Variants in GRM3 observed in about 807,000 individuals in gnomAD.
GRM3 encodes the protein metabotropic glutamate receptor 3.
Under a neutral mutation model 70.5 loss-of-function variants are expected in GRM3, and 26 were observed. The ratio of observed to expected loss-of-function variants is 0.37; its 90% CI spans 0.27 to 0.51. The LOEUF is 0.51. Ranked by LOEUF, GRM3 falls within the 20% of genes least tolerant of loss-of-function variation. The probability of loss-of-function intolerance (pLI) is 0.93; values close to 1 mark genes in which losing one functional copy is unlikely to be tolerated. For synonymous variants in GRM3, 443 were observed against 434.9 expected (o/e 1.02, Z -0.23); for missense variants, 859 against 1,123.8 (o/e 0.76, Z 3.37).
chr7:86,765,932 A>G (rs1187045846), intron 2 of GRM3, among the ~76,000 whole-genome samples: 1 of 152,130 alleles, frequency 6.6e-6, no homozygotes, highest in Non-Finnish European at 1.5e-5. Flanking sequence ...GCTGGGTTTC[A>G]CTGGGGGCAG....
chr7:86,702,521 T>A (rs1794966841), intron 1 of GRM3, among the ~76,000 whole-genome samples: 1 of 152,056 alleles, frequency 6.6e-6, no homozygotes, highest in Admixed American at 6.6e-5. Context: ...ATATGGCTTA[T>A]ATTCCAATGA....
At chr7:86,855,787 AG>A (rs993310554) in intron 5 of GRM3, among the ~76,000 whole-genome samples, 30 of 152,316 alleles carry the variant, frequency 2.0e-4, no homozygotes, top group Middle Eastern at 6.8e-3. Context: ...CCTAGTTAGC[AG>A]GGGGCAAGCC....
intron 3 of GRM3, among the ~76,000 whole-genome samples, chr7:86,789,787 G>A (rs958887516): frequency 4.6e-5 from 7 of 152,192 alleles, no homozygotes; most frequent in African/African-American, 9.7e-5. Context: ...TAGGCCTCCT[G>A]TGAATTTAAA....
intron 3 of GRM3, among the ~76,000 whole-genome samples, chr7:86,792,283 G>A (rs1797437655): frequency 6.6e-6 from 1 of 152,148 alleles, no homozygotes; most frequent in Admixed American, 6.5e-5. Context: ...AATTCAGGAT[G>A]TCAGCATTAT....
At chr7:86,653,938 G>A (rs1793669065) in intron 1 of GRM3, among the ~76,000 whole-genome samples, 2 of 152,124 alleles carry the variant, frequency 1.3e-5, no homozygotes, top group South Asian at 4.1e-4. Context: ...ATGCCCTTAT[G>A]AGCTAGGGGA....
rs1037473268 is a variant in GRM3, at chr7:86,851,324, T to C, written c.2566+780T>C. On this transcript the variant is annotated intron_variant, in intron 5 of 5. Coordinates refer to ENST00000361669, the MANE Select transcript of GRM3 (RefSeq NM_000840.3). ...TCCCTAATTCTCTCTGCTACTGGCCTGCAAATGTCTGAAACACTATCCTTA... is the reference window on the plus strand; with the variant it reads ...TCCCTAATTCTCTCTGCTACTGGCCCGCAAATGTCTGAAACACTATCCTTA... Among the ~76,000 whole-genome samples, 8 of 152,280 alleles carry C rather than the reference T, an allele frequency of 5.3e-5. No homozygotes were observed. In the East Asian group the frequency reaches 1.2e-3, roughly 22 times the overall value.
intron 1 of GRM3, among the ~76,000 whole-genome samples, chr7:86,733,306 G>A (rs371901487): frequency 3.0e-5 from 4 of 133,680 alleles, no homozygotes; most frequent in Non-Finnish European, 4.7e-5. Context: ...AGAGCGACAC[G>A]CCGTCTCAAA....
At chr7:86,703,813 A>G (rs1794997814) in intron 1 of GRM3, among the ~76,000 whole-genome samples, 1 of 151,952 alleles carries the variant, frequency 6.6e-6, no homozygotes, top group African/African-American at 2.4e-5. Flanking sequence ...AAGCAAATGA[A>G]ACAGTAAAAT....
At chr7:86,772,652 T>C (rs12704288) in intron 2 of GRM3, among the ~76,000 whole-genome samples, 38,723 of 151,916 alleles carry the variant, frequency 0.25, 5,012 homozygotes, top group Middle Eastern at 0.31. Context: ...GGGAAGAATA[T>C]GCAGGGAATA....
At chr7:86,811,898 CT>C (rs1457240903) in intron 3 of GRM3, among the ~76,000 whole-genome samples, 1 of 151,286 alleles carries the variant, frequency 6.6e-6, no homozygotes, top group African/African-American at 2.4e-5. Context: ...TGTGATATTT[CT>C]ATCCATGTAA....
chr7:86,826,709 TA>T (rs1197551793), intron 3 of GRM3, among the ~76,000 whole-genome samples: 2 of 152,190 alleles, frequency 1.3e-5, no homozygotes, highest in African/African-American at 4.8e-5. Flanking sequence ...GAAATACAAA[TA>T]TTTATTACCC....
chr7:86,783,300 C>T (rs1287543876), intron 2 of GRM3, among the ~76,000 whole-genome samples: 6 of 152,186 alleles, frequency 3.9e-5, no homozygotes, highest in Non-Finnish European at 8.8e-5. Flanking sequence ...TTTATAGTCA[C>T]ACAGTAGAAG....
intron 1 of GRM3, among the ~76,000 whole-genome samples, chr7:86,678,309 T>C (rs956617914): frequency 3.3e-5 from 5 of 152,068 alleles, no homozygotes; most frequent in African/African-American, 1.2e-4. Flanking sequence ...AATGTCAGAA[T>C]TGCAGAAGAA....
chr7:86,721,017 G>T (rs1795448812), intron 1 of GRM3, among the ~76,000 whole-genome samples: 1 of 152,018 alleles, frequency 6.6e-6, no homozygotes, highest in South Asian at 2.1e-4. Flanking sequence ...GATTTAGGTA[G>T]CTTGATCAAG....
intron 1 of GRM3, among the ~76,000 whole-genome samples, chr7:86,653,650 A>G (rs1334371372): frequency 1.3e-5 from 2 of 151,930 alleles, no homozygotes; most frequent in Admixed American, 6.6e-5. Flanking sequence ...TTATTCGGAG[A>G]CTTCCTCATT....
Position 86,643,930 on chromosome 7 carries a change from AGTACGGCTGAGCTGC to A in GRM3, c.-1078_-1064del, listed in dbSNP as rs1194182728. On this transcript the variant is annotated 5_prime_UTR_variant, in exon 1 of 6. Transcript: ENST00000361669. ...GCTCGCAGTGTGCAGTTGAGTCGCG[AGTACGGCTGAGCTGC>A]GTACCGGCCTCCCTGGCTCTCACAC... is the stretch of plus-strand genomic sequence containing the variant. 1 of 152,436 alleles carries A rather than the reference AGTACGGCTGAGCTGC, an allele frequency of 6.6e-6. No individual in the cohort carries two copies. The highest frequency in any genetic ancestry group is 1.5e-5 in the Non-Finnish European group (1 of 68,266). 9.4% of individuals were successfully genotyped at this position (152,436 alleles called of 1,614,324 possible). A position where few individuals can be genotyped will look rare whatever the true frequency, so the allele number is the denominator to read the frequency against.
At chr7:86,841,824 C>T (rs1798563973) in intron 4 of GRM3, among the ~76,000 whole-genome samples, 1 of 152,088 alleles carries the variant, frequency 6.6e-6, no homozygotes, top group East Asian at 1.9e-4. Context: ...AGTAGAACAA[C>T]TGACTGAATG....
At chr7:86,810,601 A>G (rs183254907) in intron 3 of GRM3, among the ~76,000 whole-genome samples, 2 of 152,122 alleles carry the variant, frequency 1.3e-5, no homozygotes, top group Non-Finnish European at 2.9e-5. Flanking sequence ...TCTTTGCTTA[A>G]TGGCTTTGCA....
At chr7:86,804,327 AC>A (rs780530624) in intron 3 of GRM3, among the ~76,000 whole-genome samples, 5 of 152,214 alleles carry the variant, frequency 3.3e-5, no homozygotes, top group African/African-American at 4.8e-5. Context: ...CTCATCGACA[AC>A]CCAAGATTCA....
Sources: gnomAD v4.1 joint callset for allele counts (sites outside exome capture counted in the v4.1 genomes callset) on GRCh38, gnomAD v4.1.1 for gene constraint, MANE v1.5 for transcripts, NCBI Gene and HGNC (gene_info 2026-07-23, HGNC 2026-07-21) for gene names.